The following LRRC72 variants were observed in gnomAD, a reference collection of about 807,000 sequenced individuals.
The protein encoded by LRRC72 is leucine rich repeat containing 72.
Under a neutral mutation model 35.8 loss-of-function variants are expected in LRRC72, and 41 were observed. The observed-to-expected ratio is 1.15, with a 90% CI of 0.89 to 1.49. LRRC72 has a LOEUF of 1.49. LRRC72 is among the 40% of genes most tolerant of loss of function. The pLI, the probability that LRRC72 is intolerant of heterozygous loss-of-function variation, is 0.00. For missense variants in LRRC72, 389 were observed against 330.7 expected (o/e 1.18, Z -1.37); for synonymous variants, 118 against 119.2 (o/e 0.99, Z 0.07).
chr7:16,527,777 C>T (rs547975281), intron 1 of LRRC72, among the ~76,000 whole-genome samples: 1 of 152,264 alleles, frequency 6.6e-6, no homozygotes, highest in African/African-American at 2.4e-5. Flanking sequence ...TAACTTGTGC[C>T]TGCGTGTTGC....
At position 16,581,386 on chromosome 7, in the gene LRRC72, C is replaced by T. The variant is rs773964365; in HGVS notation, c.761C>T (p.Thr254Ile). The change falls in exon 9 of 9, where the codon ACT (threonine) becomes ATT (isoleucine). Residue 254 changes from threonine to isoleucine, a missense_variant. Coordinates refer to ENST00000401542, the MANE Select transcript of LRRC72 (RefSeq NM_001195280.2). ...FVRSMKRSVM[T>I]LTSMNWDTVP... The stretch of plus-strand genomic sequence containing the variant: ...AGGTCCATGAAGAGATCAGTGATGA[C>T]TTTGACCTCTATGAACTGGGACACA... 1 of 1,549,730 alleles carries T rather than the reference C, an allele frequency of 6.5e-7. No individual in the cohort carries two copies. The highest frequency in any genetic ancestry group is 8.7e-7 in the Non-Finnish European group (1 of 1,146,558).
chr7:16,572,450 C>T (rs1221289598), intron 7 of LRRC72, among the ~76,000 whole-genome samples: 1 of 152,200 alleles, frequency 6.6e-6, no homozygotes, highest in African/African-American at 2.4e-5. Flanking sequence ...AAAAGCTTAT[C>T]CACCATGATC....
In LRRC72 at chr7:16,567,460, C is replaced by G. The variant is rs1280060235; in HGVS notation, c.587C>G (p.Ser196Ter). ...CATAAAAAGGCTCATATCGTTCAAT[C>G]AATAGCATTCGGAGGAAAAGTGGAT... is the stretch of plus-strand genomic sequence containing the variant. ...FNHKKAHIVQ[S>*]IAFGGKVDAS... Residue 196 changes from serine (S) to a stop codon, truncating the protein, a stop_gained, in exon 7 of 9, where the codon TCA (serine) becomes TGA (stop). Transcript: ENST00000401542. LOFTEE classifies it high-confidence loss of function. The G allele has an allele frequency of 6.6e-7, 1 of 1,526,558 alleles. No homozygotes were observed. Among genetic ancestry groups the G allele is most frequent in the Non-Finnish European group, 8.8e-7 (1 of 1,135,916 alleles). 94.6% of individuals were successfully genotyped at this position (1,526,558 alleles called of 1,614,324 possible). A position where few individuals can be genotyped will look rare whatever the true frequency, so the allele number is the denominator to read the frequency against.
intron 3 of LRRC72, among the ~76,000 whole-genome samples, chr7:16,552,409 TG>T (rs1199596792): frequency 6.6e-6 from 1 of 151,900 alleles, no homozygotes; most frequent in East Asian, 1.9e-4. Context: ...AAATGAAGTG[TG>T]TGCAGAAAAA....
chr7:16,567,393 G>A lies in LRRC72; in HGVS notation c.520G>A (p.Val174Ile). Residue 174 changes from valine (V) to isoleucine (I), a missense_variant and splice_region_variant, in exon 7 of 9, where the codon GTT becomes ATT. Physicochemically the swap from Val to Ile is conservative, Grantham distance 29 (BLOSUM62 3). Transcript: ENST00000401542. ...ACATTACTTTTTGCATTTATCAGAAGTTACAGAAAAAGAAAGAAGATCAAT... is the reference window on the plus strand; with the variant it reads ...ACATTACTTTTTGCATTTATCAGAAATTACAGAAAAAGAAAGAAGATCAAT... The part of the protein sequence containing the change: ...PGVELLDRNQ[V>I]TEKERRSMIT... The A allele has an allele frequency of 1.4e-6, 2 of 1,474,758 alleles. No homozygotes were observed. The highest frequency in any genetic ancestry group is 1.8e-6 in the Non-Finnish European group (2 of 1,109,352). The allele number at this position is 1,474,758 out of a possible 1,614,324, so 91.4% of individuals were successfully genotyped here. A position where few individuals can be genotyped will look rare whatever the true frequency, so the allele number is the denominator to read the frequency against.
intron 2 of LRRC72, 52 bp from the exon 3 acceptor site, chr7:16,537,575 C>T: frequency 8.9e-7 from 1 of 1,119,858 alleles, no homozygotes. Flanking sequence ...CCCAGACTTA[C>T]CTATGTGTGA....
At chr7:16,545,091 C>A (rs192216606) in intron 3 of LRRC72, among the ~76,000 whole-genome samples, 125 of 152,286 alleles carry the variant, frequency 8.2e-4, no homozygotes, top group African/African-American at 2.9e-3. Flanking sequence ...GACGGGTTGA[C>A]AGGTGCAGCA....
At chr7:16,547,395 A>G (rs1782466553) in intron 3 of LRRC72, among the ~76,000 whole-genome samples, 1 of 152,062 alleles carries the variant, frequency 6.6e-6, no homozygotes, top group South Asian at 2.1e-4. Context: ...CCCAGGCACA[A>G]CTACAGCTGC....
chr7:16,556,395 G>T (rs1041190595), intron 3 of LRRC72, among the ~76,000 whole-genome samples: 1 of 152,154 alleles, frequency 6.6e-6, no homozygotes, highest in African/African-American at 2.4e-5. Flanking sequence ...ATTTGGGATG[G>T]TCAAGAAAAT....
At chr7:16,540,495 A>T (rs549612276) in intron 3 of LRRC72, among the ~76,000 whole-genome samples, 171 of 152,294 alleles carry the variant, frequency 1.1e-3, no homozygotes, top group African/African-American at 3.7e-3. Flanking sequence ...ACTTTGGGGA[A>T]CTGTTGGGAA....
At chr7:16,539,315 T>G (rs1274045980) in intron 3 of LRRC72, among the ~76,000 whole-genome samples, 3 of 152,198 alleles carry the variant, frequency 2.0e-5, no homozygotes, top group Non-Finnish European at 4.4e-5. Flanking sequence ...CCTGTGGAAC[T>G]TTGAACTTAA....
At chr7:16,556,502 T>C (rs935505669) in intron 3 of LRRC72, among the ~76,000 whole-genome samples, 8 of 152,202 alleles carry the variant, frequency 5.3e-5, no homozygotes, top group Admixed American at 4.6e-4. Flanking sequence ...GCCCTCTAAT[T>C]GCAGATGGTG....
intron 5 of LRRC72, among the ~76,000 whole-genome samples, chr7:16,562,369 C>T (rs1782758185): frequency 6.6e-6 from 1 of 152,164 alleles, no homozygotes; most frequent in African/African-American, 2.4e-5. Flanking sequence ...AAAAAACCAC[C>T]GCCACCAAAA....
chr7:16,538,418 T>C (rs1562738504), intron 3 of LRRC72, among the ~76,000 whole-genome samples: 1 of 152,208 alleles, frequency 6.6e-6, no homozygotes, highest in Non-Finnish European at 1.5e-5. Context: ...CAACACTGAC[T>C]CCTCTTCACT....
At chr7:16,528,675 T>C (rs1386376348) in intron 1 of LRRC72, among the ~76,000 whole-genome samples, 1 of 152,146 alleles carries the variant, frequency 6.6e-6, no homozygotes, top group East Asian at 1.9e-4. Context: ...CTGTCTGCAG[T>C]TCTCACTGCA....
chr7:16,559,553 GT>G (rs1456363624), intron 5 of LRRC72, among the ~76,000 whole-genome samples: 1 of 152,130 alleles, frequency 6.6e-6, no homozygotes, highest in Non-Finnish European at 1.5e-5. Flanking sequence ...GGATTTACAT[GT>G]TTAAATTTGT....
chr7:16,537,702 GTTTTA>G lies in LRRC72; in HGVS notation c.234+13_234+17del, dbSNP rs997459874. The G allele has an allele frequency of 3.6e-6, 5 of 1,393,462 alleles. No individual in the cohort carries two copies. The African/African-American group carries it at 5.9e-5, about 16-fold the overall frequency. 86.3% of individuals were successfully genotyped at this position (1,393,462 alleles called of 1,614,324 possible). ...TATGGCTTCATCATAACAAGGTAGT[GTTTTA>G]TTTTATCTTTCAATTACTAAAATTA... On this transcript the variant is annotated splice_region_variant and intron_variant, in intron 3 of 8. Transcript: ENST00000401542.
chr7:16,532,568 A>T lies in LRRC72; in HGVS notation c.164A>T (p.Lys55Met). 1.9e-6 allele frequency: 3 copies of T among 1,543,898 alleles called. No homozygotes were observed. Among genetic ancestry groups the T allele is most frequent in the Non-Finnish European group, 2.6e-6 (3 of 1,140,898 alleles). Residue 55 changes from lysine (K) to methionine (M), a missense_variant and splice_region_variant, in exon 2 of 9, where the codon AAG becomes ATG. Coordinates refer to ENST00000401542, the MANE Select transcript of LRRC72 (RefSeq NM_001195280.2). Reference protein sequence around the residue: ...ADVFELFLSKKELTEVIDLSR... With the variant: ...ADVFELFLSKMELTEVIDLSR... ...GTCTTTGAGCTGTTCCTTTCTAAAA[A>T]GTAAGTGTACTTAACATAAAAAATG...
intron 8 of LRRC72, among the ~76,000 whole-genome samples, 158 bp downstream of exon 8, chr7:16,580,259 G>C (rs1480163818): frequency 6.6e-6 from 1 of 152,144 alleles, no homozygotes; most frequent in Non-Finnish European, 1.5e-5. Flanking sequence ...TGATAAATGA[G>C]TTCAAGCTCT....
Sources: allele counts gnomAD v4.1 joint callset (sites outside exome capture counted in the v4.1 genomes callset), GRCh38; gene constraint gnomAD v4.1.1; transcripts MANE v1.5; gene names NCBI Gene and HGNC (gene_info 2026-07-23, HGNC 2026-07-21).